Variants in ZSCAN2 observed in about 807,000 individuals in gnomAD.
The protein encoded by ZSCAN2 is zinc finger and SCAN domain-containing protein 2.
In ZSCAN2, 26 loss-of-function variants were observed where a neutral mutation model predicts 47.8. The observed-to-expected ratio is 0.54, with a 90% CI of 0.40 to 0.75. ZSCAN2 has a LOEUF of 0.75. Among genes scored for constraint, ZSCAN2 ranks in the 30% least tolerant of loss-of-function variants. ZSCAN2 has a pLI of 0.00. For missense variants in ZSCAN2, 732 were observed against 785.4 expected (o/e 0.93, Z 0.81); for synonymous variants, 305 against 288.7 (o/e 1.06, Z -0.57).
chr15:84,622,373 A>G lies in ZSCAN2; in HGVS notation c.*333A>G. 2 of 579,564 alleles carry G rather than the reference A, an allele frequency of 3.5e-6. No homozygotes were observed. The highest frequency in any genetic ancestry group is 4.6e-5 in the South Asian group (2 of 43,164). The allele number at this position is 579,564 out of a possible 1,614,324, so 35.9% of individuals were successfully genotyped here. A position where few individuals can be genotyped will look rare whatever the true frequency, so the allele number is the denominator to read the frequency against. On this transcript the variant is annotated 3_prime_UTR_variant, in exon 3 of 3. Coordinates refer to ENST00000546148, the MANE Select transcript of ZSCAN2 (RefSeq NM_181877.4). ...GGGGGGAAATGTTTCTCCATGTGGA[A>G]TGGAAGACAGCATGGCCCACAACGT...
At chr15:84,610,070 C>T (rs1895500153) in intron 2 of ZSCAN2, among the ~76,000 whole-genome samples, 1 of 152,228 alleles carries the variant, frequency 6.6e-6, no homozygotes, top group Non-Finnish European at 1.5e-5. Flanking sequence ...GCGAGAAATA[C>T]AAGGACCGTT....
chr15:84,621,388 G>A lies in ZSCAN2; in HGVS notation c.1193G>A (p.Arg398Lys). ...TACAAATGTACCGACTGTGGGCAGA[G>A]GTTCAGCCAGAGTTCAGCCCTCATC... ...KPYKCTDCGQ[R>K]FSQSSALITH... The change falls in exon 3 of 3, where the codon AGG (arginine) becomes AAG (lysine). Residue 398 changes from arginine to lysine, a missense_variant. Physicochemically the swap from Arg to Lys is conservative, Grantham distance 26. Around this residue, in one of 2 missense-constraint regions of ZSCAN2, gnomAD observed 412 missense variants for 498.0 expected, o/e 0.83. Transcript: ENST00000546148. This position sits in a 1 kb window ranked among gnomAD's most constrained non-coding sequence, Gnocchi z 5.7. The A allele has an allele frequency of 6.2e-7, 1 of 1,613,942 alleles. No homozygotes were observed. The highest frequency in any genetic ancestry group is 1.3e-5 in the African/African-American group (1 of 74,996).
chr15:84,621,797 G>C lies in ZSCAN2; in HGVS notation c.1602G>C (p.Met534Ile). The C allele has an allele frequency of 1.2e-6, 2 of 1,614,218 alleles. No individual in the cohort carries two copies. Among genetic ancestry groups the C allele is most frequent in the Non-Finnish European group, 1.7e-6 (2 of 1,180,042 alleles). ...HTGEKPYKCL[M>I]CGKSFSRGSI... ...GCGAGAAGCCCTACAAATGCCTCAT[G>C]TGCGGCAAGAGCTTCAGCCGGGGCT... is the stretch of plus-strand genomic sequence containing the variant. The change falls in exon 3 of 3, where the codon ATG (methionine) becomes ATC (isoleucine). Residue 534 changes from methionine to isoleucine, a missense_variant. This residue lies in a region of ZSCAN2 where 412 missense variants were observed against 498.0 expected (regional missense o/e 0.83). Transcript: ENST00000546148. The surrounding 1 kb of genome is among the most constrained non-coding windows in gnomAD (Gnocchi z 5.7).
chr15:84,604,868 G>C (rs1010482163), intron 2 of ZSCAN2, among the ~76,000 whole-genome samples: 6 of 151,616 alleles, frequency 4.0e-5, no homozygotes, highest in Admixed American at 6.6e-5. Flanking sequence ...CTTTTGAGTA[G>C]CTGGAATTAC....
chr15:84,601,529 T>C (rs1311405511), intron 1 of ZSCAN2, among the ~76,000 whole-genome samples: 1 of 152,210 alleles, frequency 6.6e-6, no homozygotes, highest in African/African-American at 2.4e-5. Context: ...GGAAGAGTTC[T>C]CTTACACCAT....
At chr15:84,617,013 T>C (rs890538771) in intron 2 of ZSCAN2, among the ~76,000 whole-genome samples, 1 of 152,010 alleles carries the variant, frequency 6.6e-6, no homozygotes, top group Non-Finnish European at 1.5e-5. Flanking sequence ...TCCCAGTTAA[T>C]TGGGAGGCTG....
At chr15:84,606,577 G>T in intron 2 of ZSCAN2, 3 of 1,613,996 alleles carry the variant, frequency 1.9e-6, no homozygotes, top group East Asian at 2.2e-5. Context: ...AGTTTGTAAT[G>T]AACTTCTGGA....
chr15:84,616,687 A>C (rs1301003090), intron 2 of ZSCAN2: 1 of 1,063,592 alleles, frequency 9.4e-7, no homozygotes, highest in African/African-American at 1.7e-5. Context: ...CTTATTAGCT[A>C]ATGTTACCTA....
intron 2 of ZSCAN2, among the ~76,000 whole-genome samples, chr15:84,613,035 T>C (rs1895596836): frequency 2.0e-5 from 3 of 152,352 alleles, no homozygotes; most frequent in South Asian, 2.1e-4. Context: ...AGCTTGAATT[T>C]TTCCATTTGA....
rs1421467114 is a variant in ZSCAN2 at position 84,623,258 on chromosome 15, CT to C, written c.*1225del. 6 of 166,544 alleles carry C rather than the reference CT, an allele frequency of 3.6e-5. No homozygotes were observed. Among genetic ancestry groups the C allele is most frequent in the South Asian group, 3.4e-4 (3 of 8,846 alleles). 10.3% of individuals were successfully genotyped at this position (166,544 alleles called of 1,614,324 possible). ...GCCCACCACCACACCCAGCTAATTT[CT>C]TTTTTTGTATTTTTAGTAGAGACGG... On this transcript the variant is annotated 3_prime_UTR_variant, in exon 3 of 3. Transcript: ENST00000546148.
Position 84,601,465 on chromosome 15 carries a change from C to G in ZSCAN2, c.-109+330C>G, listed in dbSNP as rs150435769. ...GGTTCAGAGGGGGCGTGTCGTGCCC[C>G]AAGTCAGACCGCAAATTAGCTGACC... On this transcript the variant is annotated intron_variant, in intron 1 of 2. Coordinates refer to ENST00000546148, the MANE Select transcript of ZSCAN2 (RefSeq NM_181877.4). Among the ~76,000 whole-genome samples the G allele has an allele frequency of 9.4e-3, 1,438 of 152,294 alleles. 31 individuals carry two copies. The highest frequency in any genetic ancestry group is 0.034 in the African/African-American group (1,393 of 41,556).
At chr15:84,602,591 T>TC (rs1477100658) in intron 1 of ZSCAN2, among the ~76,000 whole-genome samples, 1 of 145,932 alleles carries the variant, frequency 6.9e-6, no homozygotes, top group Admixed American at 6.8e-5. Flanking sequence ...TCTTTTCTTT[T>TC]TTTTTTTTTT....
In ZSCAN2 at chr15:84,620,664, C is replaced by G; in HGVS notation, c.469C>G (p.Arg157Gly). The change falls in exon 3 of 3, where the codon CGT (arginine) becomes GGT (glycine). Residue 157 changes from arginine (R) to glycine (G), a missense_variant. By Grantham distance (125) the Arg-to-Gly change is moderately radical. Coordinates refer to ENST00000546148, the MANE Select transcript of ZSCAN2 (RefSeq NM_181877.4). ...TCAAGACATGTTTGAGAATGAATCA[C>G]GTAAGATATTCTCGGAAATGCCTGA... ...CNQDMFENES[R>G]KIFSEMPEGE... 4 of 1,614,116 alleles carry G rather than the reference C, an allele frequency of 2.5e-6. No homozygotes were observed. Among genetic ancestry groups the G allele is most frequent in the Non-Finnish European group, 3.4e-6 (4 of 1,179,972 alleles).
intron 2 of ZSCAN2, among the ~76,000 whole-genome samples, chr15:84,619,758 G>A (rs985036256): frequency 6.6e-6 from 1 of 152,046 alleles, no homozygotes; most frequent in Non-Finnish European, 1.5e-5. Flanking sequence ...GGGTAATTGG[G>A]TAGGTACCCT....
intron 2 of ZSCAN2, among the ~76,000 whole-genome samples, chr15:84,616,155 T>C (rs1445343485): frequency 6.6e-6 from 1 of 152,142 alleles, no homozygotes; most frequent in Non-Finnish European, 1.5e-5. Context: ...GAGAATCGCT[T>C]GAACCTGGGA....
rs1399988754 is a variant in ZSCAN2 at position 84,621,503 on chromosome 15, C to A, written c.1308C>A (p.His436Gln). Reference protein sequence around the residue: ...SFSRSSNLATHRRTHMVEKPY... With the variant: ...SFSRSSNLATQRRTHMVEKPY... ...GCCGCAGCTCTAACCTGGCCACACA[C>A]CGGAGAACCCACATGGTGGAGAAGC... The change falls in exon 3 of 3, where the codon CAC (histidine) becomes CAA (glutamine). Residue 436 changes from histidine (H) to glutamine (Q), a missense_variant. Physicochemically the swap from His to Gln is conservative, Grantham distance 24. Coordinates refer to ENST00000546148, the MANE Select transcript of ZSCAN2 (RefSeq NM_181877.4). The surrounding 1 kb of genome is among the most constrained non-coding windows in gnomAD (Gnocchi z 5.7). 7 of 1,613,872 alleles carry A rather than the reference C, an allele frequency of 4.3e-6. No individual in the cohort carries two copies. The highest frequency in any genetic ancestry group is 8.5e-7 in the Non-Finnish European group (1 of 1,179,972).
At chr15:84,607,349 C>G (rs988232069) in intron 2 of ZSCAN2, among the ~76,000 whole-genome samples, 9 of 151,920 alleles carry the variant, frequency 5.9e-5, no homozygotes, top group Non-Finnish European at 2.9e-5. Flanking sequence ...CAGTATCTAC[C>G]AAATCAAGCA....
In ZSCAN2 at chr15:84,604,254, G is replaced by C; in HGVS notation, c.327G>C (p.Trp109Cys). ...LTMLPKEIQAWLQEHRPESSE... is the reference protein window; with the variant it reads ...LTMLPKEIQACLQEHRPESSE... ...TGCTGCCAAAGGAAATTCAGGCTTGGCTGCAAGAGCATCGGCCTGAAAGCA... is the reference window on the plus strand; with the variant it reads ...TGCTGCCAAAGGAAATTCAGGCTTGCCTGCAAGAGCATCGGCCTGAAAGCA... Residue 109 changes from tryptophan to cysteine, a missense_variant, in exon 2 of 3, where the codon TGG becomes TGC. Transcript: ENST00000546148. 1 of 1,614,186 alleles carries C rather than the reference G, an allele frequency of 6.2e-7. No homozygotes were observed. The highest frequency in any genetic ancestry group is 8.5e-7 in the Non-Finnish European group (1 of 1,180,036).
chr15:84,620,589 T>A lies in ZSCAN2; in HGVS notation c.407-13T>A. 1 of 1,585,952 alleles carries A rather than the reference T, an allele frequency of 6.3e-7. No individual in the cohort carries two copies. Among genetic ancestry groups the A allele is most frequent in the South Asian group, 1.1e-5 (1 of 88,936 alleles). The stretch of plus-strand genomic sequence containing the variant: ...GTTGAGTAGACATTGTATGTTTTTC[T>A]TCATTGTTTCAGATTTTGAGATACA... On this transcript the variant is annotated splice_polypyrimidine_tract_variant and intron_variant, in intron 2 of 2. Coordinates refer to ENST00000546148, the MANE Select transcript of ZSCAN2 (RefSeq NM_181877.4).
Sources: allele counts gnomAD v4.1 joint callset (sites outside exome capture counted in the v4.1 genomes callset), GRCh38; gene constraint gnomAD v4.1.1; regional missense constraint gnomAD v4.1.1; non-coding constraint Gnocchi (gnomAD v3.1); transcripts MANE v1.5; gene names NCBI Gene and HGNC (gene_info 2026-07-23, HGNC 2026-07-21).